The following SDK1 variants were observed in gnomAD, a reference collection of about 807,000 sequenced individuals.
SDK1 encodes protein sidekick-1.
In SDK1, 157 loss-of-function variants were observed where a neutral mutation model predicts 245.5. The ratio of observed to expected loss-of-function variants is 0.64; its 90% CI spans 0.56 to 0.73. SDK1 has a LOEUF of 0.73. SDK1 is among the 30% of genes least tolerant of loss of function. SDK1 has a pLI of 0.00. For missense variants in SDK1, 3,583 were observed against 3,002.3 expected (o/e 1.19, Z -4.52); for synonymous variants, 1,647 against 1,278.5 (o/e 1.29, Z -6.15).
rs1186076105 is a variant in SDK1, at chr7:4,079,582, C to G, written c.3322C>G (p.Gln1108Glu). The G allele has an allele frequency of 3.1e-6, 5 of 1,613,990 alleles. No individual in the cohort carries two copies. Among genetic ancestry groups the G allele is most frequent in the Non-Finnish European group, 4.2e-6 (5 of 1,179,982 alleles). ...TSISRWIVEG[Q>E]VGAIGDEEEW... ...CATCTCCAGGTGGATTGTTGAGGGG[C>G]AGGTACGTGTGTCGTTAGACTGGGA... The change falls in exon 22 of 45, where the codon CAG becomes GAG. Residue 1108 changes from glutamine (Q) to glutamate (E), a missense_variant and splice_region_variant. Coordinates refer to ENST00000404826, the MANE Select transcript of SDK1 (RefSeq NM_152744.4).
intron 28 of SDK1, among the ~76,000 whole-genome samples, chr7:4,134,343 G>T (rs1340435975): frequency 6.6e-6 from 1 of 152,140 alleles, no homozygotes; most frequent in East Asian, 1.9e-4. Flanking sequence ...AGCATTTCAG[G>T]GCCTGGCCCG....
At chr7:3,333,496 C>T (rs765906836) in intron 1 of SDK1, among the ~76,000 whole-genome samples, 4 of 152,180 alleles carry the variant, frequency 2.6e-5, no homozygotes, top group Non-Finnish European at 4.4e-5. Context: ...CTCATTATCT[C>T]TGACTACTTG....
chr7:3,791,497 T>G (rs931892713), intron 4 of SDK1, among the ~76,000 whole-genome samples: 8 of 152,122 alleles, frequency 5.3e-5, no homozygotes, highest in Non-Finnish European at 1.0e-4. Context: ...GAGCCCAAAA[T>G]AGCACGATGC....
chr7:4,155,800 G>C (rs1045126203), intron 30 of SDK1, among the ~76,000 whole-genome samples: 1 of 152,060 alleles, frequency 6.6e-6, no homozygotes, highest in Non-Finnish European at 1.5e-5. Context: ...GGGTGTTCTT[G>C]GCTCTTGGGA....
intron 4 of SDK1, among the ~76,000 whole-genome samples, chr7:3,668,904 G>T (rs535415324): frequency 6.6e-6 from 1 of 152,316 alleles, no homozygotes; most frequent in East Asian, 1.9e-4. Context: ...GCCTGCCCAG[G>T]TTCAGGAGAA....
intron 44 of SDK1, among the ~76,000 whole-genome samples, chr7:4,253,072 A>AAAG (rs1176261534): frequency 3.3e-5 from 5 of 152,154 alleles, no homozygotes; most frequent in African/African-American, 1.2e-4. Flanking sequence ...TCATCTTTGC[A>AAAG]AAGAACCAAC....
chr7:4,132,995 C>A lies in SDK1; in HGVS notation c.4228+572C>A, dbSNP rs368494179. Among the ~76,000 whole-genome samples, 7 of 152,204 alleles carry A rather than the reference C, an allele frequency of 4.6e-5. No individual in the cohort carries two copies. The East Asian group carries it at 1.4e-3, about 29-fold the overall frequency. On this transcript the variant is annotated intron_variant, in intron 28 of 44. Coordinates refer to ENST00000404826, the MANE Select transcript of SDK1 (RefSeq NM_152744.4). Reference sequence around the variant, plus strand: ...GGCTCATGGCGATACCGTTTGTAACCGACCTTCCCTTCCTCTCTGAAATAT... The same window carrying A: ...GGCTCATGGCGATACCGTTTGTAACAGACCTTCCCTTCCTCTCTGAAATAT...
At chr7:3,679,866 A>G (rs948314841) in intron 4 of SDK1, among the ~76,000 whole-genome samples, 5 of 152,228 alleles carry the variant, frequency 3.3e-5, no homozygotes, top group African/African-American at 7.2e-5. Context: ...AAAACAAAAC[A>G]TACGCTTACC....
At chr7:3,604,602 C>CTTTTTTTTTTT (rs201453008) in intron 1 of SDK1, among the ~76,000 whole-genome samples, 2 of 110,522 alleles carry the variant, frequency 1.8e-5, no homozygotes. Flanking sequence ...CTTTTCTTTT[C>CTTTTTTTTTTT]TTTTTTTTTT....
At position 3,775,609 on chromosome 7, in the gene SDK1, G is replaced by A. The variant is rs28460447; in HGVS notation, c.714-45841G>A. On this transcript the variant is annotated intron_variant, in intron 4 of 44. Transcript: ENST00000404826. Reference sequence around the variant, plus strand: ...TTTTGAGACAGAGTCTTGCTCTGTCGCCCAGGCCGGACTGCGGACTGCAGT... The same window carrying A: ...TTTTGAGACAGAGTCTTGCTCTGTCACCCAGGCCGGACTGCGGACTGCAGT... 3.8e-3 allele frequency among the ~76,000 whole-genome samples: 548 copies of A among 144,892 alleles called. 3 individuals carry two copies. The highest frequency in any genetic ancestry group is 0.014 in the African/African-American group (524 of 38,346).
intron 22 of SDK1, among the ~76,000 whole-genome samples, chr7:4,102,975 A>T (rs1782660017): frequency 7.3e-6 from 1 of 137,160 alleles, no homozygotes; most frequent in Non-Finnish European, 1.6e-5. Flanking sequence ...AAAAAAAAAA[A>T]AGCCGTTCAA....
chr7:4,039,996 C>G (rs894802623), intron 17 of SDK1, among the ~76,000 whole-genome samples: 1 of 152,180 alleles, frequency 6.6e-6, no homozygotes, highest in Middle Eastern at 3.2e-3. Context: ...GAGCATGTTA[C>G]TGAACCAAAC....
At chr7:3,665,339 A>G (rs1331834439) in intron 4 of SDK1, among the ~76,000 whole-genome samples, 2 of 152,188 alleles carry the variant, frequency 1.3e-5, no homozygotes, top group African/African-American at 4.8e-5. Context: ...GCAGGTTGTT[A>G]ACATTAGAGA....
At chr7:3,930,024 A>G (rs1003789179) in intron 5 of SDK1, among the ~76,000 whole-genome samples, 5 of 152,144 alleles carry the variant, frequency 3.3e-5, no homozygotes, top group Non-Finnish European at 7.3e-5. Context: ...AGGTGAATGC[A>G]GTTCTACTTG....
intron 1 of SDK1, among the ~76,000 whole-genome samples, chr7:3,475,805 A>T (rs17133409): frequency 6.6e-6 from 1 of 151,990 alleles, no homozygotes; most frequent in East Asian, 1.9e-4. Context: ...TTCATAGTGG[A>T]ACTGCATTTA....
intron 32 of SDK1, among the ~76,000 whole-genome samples, chr7:4,162,487 C>T (rs915861383): frequency 1.3e-5 from 2 of 151,706 alleles, no homozygotes; most frequent in African/African-American, 4.8e-5. Context: ...GCAACCTCTG[C>T]CTCCCGTGTT....
At chr7:3,710,903 T>G (rs1347737626) in intron 4 of SDK1, among the ~76,000 whole-genome samples, 1 of 152,264 alleles carries the variant, frequency 6.6e-6, no homozygotes, top group East Asian at 1.9e-4. Context: ...TCTTTATTAC[T>G]GTGGCTTCAG....
intron 4 of SDK1, among the ~76,000 whole-genome samples, chr7:3,757,381 T>C (rs1267519638): frequency 6.6e-6 from 1 of 152,088 alleles, no homozygotes; most frequent in Non-Finnish European, 1.5e-5. Context: ...CCTAAGGTGC[T>C]ACCATGCCTG....
intron 5 of SDK1, among the ~76,000 whole-genome samples, chr7:3,944,937 C>G (rs1417518733): frequency 6.6e-6 from 1 of 152,178 alleles, no homozygotes; most frequent in Non-Finnish European, 1.5e-5. Context: ...GAGCTATTAG[C>G]TACTAGCATG....
Sources: gnomAD v4.1 joint callset for allele counts (sites outside exome capture counted in the v4.1 genomes callset) on GRCh38, gnomAD v4.1.1 for gene constraint, MANE v1.5 for transcripts, NCBI Gene and HGNC (gene_info 2026-07-23, HGNC 2026-07-21) for gene names.